ZFHX3: variants seen among roughly 807,000 people sequenced by gnomAD.
ZFHX3 encodes the protein zinc finger homeobox 3.
Under a neutral mutation model 279.1 loss-of-function variants are expected in ZFHX3, and 42 were observed. That is an observed-to-expected ratio of 0.15 (90% CI 0.12 to 0.19). The LOEUF is 0.19. ZFHX3 is among the 10% of genes least tolerant of loss of function. The probability of loss-of-function intolerance (pLI) is 1.00; values close to 1 mark genes in which losing one functional copy is unlikely to be tolerated. For synonymous variants in ZFHX3, 2,293 were observed against 1,957.8 expected, an observed-to-expected ratio of 1.17 and a Z score of -4.52; for missense variants, 4,981 against 4,754.0, an observed-to-expected ratio of 1.05 and a Z score of -1.40.
At chr16:73,620,185 G>T (rs1270893442) in intron 2 of ZFHX3, among the ~76,000 whole-genome samples, 1 of 152,180 alleles carries the variant, frequency 6.6e-6, no homozygotes, top group East Asian at 1.9e-4. Context: ...ATGGGTGGGG[G>T]CACCCAGCAT....
chr16:73,429,503 T>C (rs1470416530), intron 3 of ZFHX3, among the ~76,000 whole-genome samples: 1 of 151,760 alleles, frequency 6.6e-6, no homozygotes, highest in African/African-American at 2.4e-5. Flanking sequence ...CGGCTGATTT[T>C]TGGATTTTTA....
chr16:73,033,298 TGTCTGA>T (rs1355119192), intron 1 of ZFHX3, among the ~76,000 whole-genome samples: 13 of 152,140 alleles, frequency 8.5e-5, no homozygotes, highest in Non-Finnish European at 1.3e-4. Flanking sequence ...AAATGCCCAG[TGTCTGA>T]CTGAGGGAGA....
chr16:73,279,246 T>A (rs771077362), intron 4 of ZFHX3, among the ~76,000 whole-genome samples: 1 of 152,054 alleles, frequency 6.6e-6, no homozygotes, highest in Non-Finnish European at 1.5e-5. Context: ...GAAAACTGAG[T>A]CCCAGATAGC....
intron 1 of ZFHX3, among the ~76,000 whole-genome samples, chr16:73,755,010 C>A (rs185107538): frequency 6.6e-6 from 1 of 152,152 alleles, no homozygotes; most frequent in Admixed American, 6.5e-5. Context: ...AAAGCACCCT[C>A]CTTACAAAGG....
chr16:73,589,366 G>T (rs1260518598), intron 2 of ZFHX3, among the ~76,000 whole-genome samples: 1 of 147,624 alleles, frequency 6.8e-6, no homozygotes, highest in African/African-American at 2.5e-5. Context: ...AGCCCGAGAG[G>T]TTAAGATTGC....
intron 3 of ZFHX3, among the ~76,000 whole-genome samples, chr16:73,323,826 C>G (rs1412506190): frequency 6.6e-6 from 1 of 152,134 alleles, no homozygotes; most frequent in Non-Finnish European, 1.5e-5. Flanking sequence ...GGCAATGTTC[C>G]CAGATGGTCT....
chr16:73,597,138 G>A (rs2052059107), intron 2 of ZFHX3, among the ~76,000 whole-genome samples: 1 of 152,144 alleles, frequency 6.6e-6, no homozygotes, highest in Admixed American at 6.5e-5. Flanking sequence ...CCTGGCTCAG[G>A]TTCTTTTCCA....
chr16:72,950,480 T>C lies in ZFHX3; in HGVS notation c.3205A>G (p.Lys1069Glu). ...TVNSRHEASL[K>E]LYKHLQQHES... ...GAGCTGGGCCTTACCTTGTACAACT[T>C]CAGGCTGGCCTCGTGCCTGGAGTTG... Residue 1069 changes from lysine to glutamate, a missense_variant, in exon 3 of 10, where the codon AAG becomes GAG. Lys to Glu is a moderately conservative substitution (Grantham distance 56). Transcript: ENST00000268489. 6.2e-7 allele frequency: 1 copy of C among 1,613,684 alleles called. No homozygotes were observed. The highest frequency in any genetic ancestry group is 8.5e-7 in the Non-Finnish European group (1 of 1,179,596).
intron 2 of ZFHX3, among the ~76,000 whole-genome samples, chr16:73,634,457 T>C (rs373799416): frequency 3.8e-5 from 4 of 105,282 alleles, no homozygotes; most frequent in Non-Finnish European, 8.8e-5. Context: ...TATATATATA[T>C]ATATAAAATA....
chr16:73,612,411 G>A (rs1057310824), intron 2 of ZFHX3, among the ~76,000 whole-genome samples: 1 of 152,140 alleles, frequency 6.6e-6, no homozygotes, highest in Admixed American at 6.6e-5. Flanking sequence ...GTGCAAACAC[G>A]CTGCTGTAAT....
At chr16:72,874,997 G>C (rs554130745) in intron 4 of ZFHX3, among the ~76,000 whole-genome samples, 42 of 152,348 alleles carry the variant, frequency 2.8e-4, no homozygotes, top group African/African-American at 9.1e-4. Context: ...GACAGGAGAG[G>C]TGTCAGGTCT....
intron 2 of ZFHX3, among the ~76,000 whole-genome samples, chr16:73,651,844 G>C (rs1293733769): frequency 8.8e-6 from 1 of 114,252 alleles, no homozygotes; most frequent in African/African-American, 3.5e-5. Flanking sequence ...GACAGAGCAA[G>C]ACTCTGTCTC....
At chr16:73,231,587 G>A (rs1197908271) in intron 5 of ZFHX3, among the ~76,000 whole-genome samples, 1 of 152,190 alleles carries the variant, frequency 6.6e-6, no homozygotes, top group Non-Finnish European at 1.5e-5. Flanking sequence ...GGGATCAATA[G>A]TTCGTTCCAG....
rs2143269493 is a variant in ZFHX3, at chr16:72,787,388, G to A, written c.10888C>T (p.Pro3630Ser). ...GATGAGGAGAGAGGAGGAAAAGAAG[G>A]GGGCTTCGCTGCCGAAGCCCGGGAG... ...VVSRASAAKP[P>S]SFPPLSSSST... is the part of the protein sequence containing the mutation. The change falls in exon 10 of 10, where the codon CCT becomes TCT. Residue 3630 changes from proline to serine, a missense_variant. Around this residue, in one of 7 missense-constraint regions of ZFHX3, gnomAD observed 1,034 missense variants for 786.0 expected, o/e 1.32. Transcript: ENST00000268489. The A allele has an allele frequency of 6.2e-7, 1 of 1,605,280 alleles. No homozygotes were observed. Among genetic ancestry groups the A allele is most frequent in the Non-Finnish European group, 8.5e-7 (1 of 1,173,674 alleles).
Position 73,326,120 on chromosome 16 carries a change from G to A in ZFHX3, c.-1290-7784C>T, listed in dbSNP as rs570318442. Among the ~76,000 whole-genome samples the A allele has an allele frequency of 2.6e-4, 40 of 152,332 alleles. 1 individual carries two copies. The highest frequency in any genetic ancestry group is 9.1e-4 in the African/African-American group (38 of 41,572). Reference sequence around the variant, plus strand: ...GGAGAGATAGAAGCTCAGAGGCTGAGCGGCATGCCCATGGTCTCAGGGTCT... The same window carrying A: ...GGAGAGATAGAAGCTCAGAGGCTGAACGGCATGCCCATGGTCTCAGGGTCT... On this transcript the variant is annotated intron_variant, in intron 3 of 17. Transcript: ENST00000641206.
chr16:73,601,804 G>T (rs536979055), intron 2 of ZFHX3, among the ~76,000 whole-genome samples: 2 of 152,268 alleles, frequency 1.3e-5, no homozygotes, highest in African/African-American at 2.4e-5. Context: ...CGGAAAGCAC[G>T]TTACTGAAAT....
chr16:73,033,784 G>C (rs1476349526), intron 1 of ZFHX3, among the ~76,000 whole-genome samples: 5 of 152,194 alleles, frequency 3.3e-5, no homozygotes, highest in Non-Finnish European at 7.4e-5. Context: ...TCCTAGAGGA[G>C]AGCCTCAAAT....
intron 1 of ZFHX3, among the ~76,000 whole-genome samples, chr16:73,809,932 G>C (rs1960382596): frequency 6.6e-6 from 1 of 152,034 alleles, no homozygotes; most frequent in South Asian, 2.1e-4. Context: ...GTATTGCTTT[G>C]CTTGGTAGCA....
intron 5 of ZFHX3, among the ~76,000 whole-genome samples, chr16:73,235,143 C>T (rs2012902180): frequency 6.6e-6 from 1 of 152,198 alleles, no homozygotes; most frequent in Non-Finnish European, 1.5e-5. Context: ...AATCTCGGCT[C>T]ACTGCAACCT....
Sources: allele counts gnomAD v4.1 joint callset (sites outside exome capture counted in the v4.1 genomes callset), GRCh38; gene constraint gnomAD v4.1.1; regional missense constraint gnomAD v4.1.1; transcripts MANE v1.5; gene names NCBI Gene and HGNC (gene_info 2026-07-23, HGNC 2026-07-21).